The following ENTPD1 variants were observed in gnomAD, a reference collection of about 807,000 sequenced individuals.
ENTPD1 encodes ectonucleoside triphosphate diphosphohydrolase 1.
In ENTPD1, 33 loss-of-function variants were observed where a neutral mutation model predicts 57.0. The ratio of observed to expected loss-of-function variants is 0.58; its 90% CI spans 0.44 to 0.77. ENTPD1 has a LOEUF of 0.77. Ranked by LOEUF, ENTPD1 falls within the 30% of genes least tolerant of loss-of-function variation. The pLI is 0.00. For missense variants in ENTPD1, 501 were observed against 603.4 expected, an observed-to-expected ratio of 0.83 and a Z score of 1.78; for synonymous variants, 202 against 218.8, an observed-to-expected ratio of 0.92 and a Z score of 0.68.
chr10:95,757,882 G>A (rs1021867557), intron 1 of ENTPD1, among the ~76,000 whole-genome samples: 1 of 151,724 alleles, frequency 6.6e-6, no homozygotes, highest in African/African-American at 2.4e-5. Flanking sequence ...GTGTGCGCCT[G>A]TAGTCCCAGC....
At chr10:95,718,339 A>G (rs2097973875) in intron 1 of ENTPD1, among the ~76,000 whole-genome samples, 1 of 151,954 alleles carries the variant, frequency 6.6e-6, no homozygotes, top group Non-Finnish European at 1.5e-5. Flanking sequence ...GGATTACCCC[A>G]TACTAGGGGT....
intron 1 of ENTPD1, among the ~76,000 whole-genome samples, chr10:95,768,488 CTTTT>C (rs2098100467): frequency 1.4e-5 from 2 of 144,264 alleles, no homozygotes; most frequent in Admixed American, 1.5e-4. Context: ...TTCTTTCTTT[CTTTT>C]CTTTTTTCTT....
chr10:95,833,826 GC>G (rs1385533170), intron 2 of ENTPD1: 1 of 152,800 alleles, frequency 6.5e-6, no homozygotes, highest in Admixed American at 6.5e-5. Context: ...AGGGAGGAAT[GC>G]TGTTCCTCAC....
At chr10:95,772,640 T>C (rs1415224583) in intron 1 of ENTPD1, among the ~76,000 whole-genome samples, 2 of 152,188 alleles carry the variant, frequency 1.3e-5, no homozygotes, top group Non-Finnish European at 1.5e-5. Context: ...ACTGAAGTCT[T>C]GAGCCCCTCC....
chr10:95,815,449 T>C (rs1293526833), intron 1 of ENTPD1, among the ~76,000 whole-genome samples: 1 of 152,228 alleles, frequency 6.6e-6, no homozygotes, highest in African/African-American at 2.4e-5. Context: ...ATTGGTATCC[T>C]CAGTGAGAAC....
At chr10:95,753,979 G>C (rs2098016331), upstream of ENTPD1, 1 of 150,440 alleles carries the variant, frequency 6.6e-6, no homozygotes, top group Admixed American at 6.6e-5. Context: ...CTGGATGACA[G>C]AGTGAGGCTC....
At chr10:95,849,641 C>T (rs538551432) in intron 7 of ENTPD1, among the ~76,000 whole-genome samples, 2 of 152,350 alleles carry the variant, frequency 1.3e-5, no homozygotes, top group South Asian at 4.1e-4. Context: ...CCAGACTTAC[C>T]TTAACCATGG....
intron 1 of ENTPD1, among the ~76,000 whole-genome samples, chr10:95,717,438 C>T (rs907329400): frequency 1.3e-5 from 2 of 151,592 alleles, no homozygotes; most frequent in Non-Finnish European, 2.9e-5. Flanking sequence ...CCGCTCCCTG[C>T]TCAAATGCCT....
chr10:95,869,786 A>G lies in ENTPD1; in HGVS notation c.*3403A>G. On this transcript the variant is annotated 3_prime_UTR_variant, in exon 10 of 10. Transcript: ENST00000371205. The stretch of plus-strand genomic sequence containing the variant: ...AACACAGGAGAGTTTTCAGAAAGCA[A>G]CTAAATCCAAAATACTATCAAGGAA... 1.3e-6 allele frequency: 1 copy of G among 755,620 alleles called. No homozygotes were observed. The highest frequency in any genetic ancestry group is 6.1e-5 in the South Asian group (1 of 16,494). 46.8% of individuals were successfully genotyped at this position (755,620 alleles called of 1,614,324 possible). A position where few individuals can be genotyped will look rare whatever the true frequency, so the allele number is the denominator to read the frequency against.
intron 1 of ENTPD1, among the ~76,000 whole-genome samples, chr10:95,773,383 G>A (rs1195019167): frequency 6.6e-6 from 1 of 152,124 alleles, no homozygotes; most frequent in Non-Finnish European, 1.5e-5. Flanking sequence ...ATGACTAGGT[G>A]CATTGTCAAT....
chr10:95,710,476 T>C (rs1441499518), upstream of ENTPD1, among the ~76,000 whole-genome samples: 1 of 152,006 alleles, frequency 6.6e-6, no homozygotes, highest in Non-Finnish European at 1.5e-5. Flanking sequence ...TTTACAAGCA[T>C]TTATCTAAGT....
chr10:95,777,980 C>CA (rs753762343), intron 1 of ENTPD1, among the ~76,000 whole-genome samples: 41 of 152,186 alleles, frequency 2.7e-4, no homozygotes, highest in Non-Finnish European at 5.4e-4. Context: ...CCTGGTGTGC[C>CA]ATTTGCTGAA....
At chr10:95,752,402 C>G (rs548533747), upstream of ENTPD1, among the ~76,000 whole-genome samples, 1 of 152,226 alleles carries the variant, frequency 6.6e-6, no homozygotes, top group Admixed American at 6.5e-5. Flanking sequence ...CGCCTGTAAT[C>G]CCAGCACTTT....
chr10:95,755,958 C>T, upstream of ENTPD1: 5 of 1,466,376 alleles, frequency 3.4e-6, no homozygotes, highest in Non-Finnish European at 4.5e-6. Context: ...ATATACATTG[C>T]TTCAAGGATG....
At chr10:95,860,105 T>C (rs2098462825) in intron 7 of ENTPD1, among the ~76,000 whole-genome samples, 1 of 152,212 alleles carries the variant, frequency 6.6e-6, no homozygotes, top group Non-Finnish European at 1.5e-5. Flanking sequence ...TAGTGTTGTA[T>C]AGAATTTTCC....
At chr10:95,809,725 C>T (rs527647217) in intron 1 of ENTPD1, among the ~76,000 whole-genome samples, 19 of 137,394 alleles carry the variant, frequency 1.4e-4, no homozygotes, top group South Asian at 9.5e-4. Context: ...GGGTGGCCGC[C>T]GGGCAGAGGC....
intron 7 of ENTPD1, among the ~76,000 whole-genome samples, chr10:95,853,960 G>T (rs1310417184): frequency 6.6e-6 from 1 of 152,176 alleles, no homozygotes. Context: ...ATGAGTTAGG[G>T]CAGATTCCCT....
At chr10:95,717,132 G>C (rs1422204001) in intron 1 of ENTPD1, among the ~76,000 whole-genome samples, 1 of 152,214 alleles carries the variant, frequency 6.6e-6, no homozygotes, top group Non-Finnish European at 1.5e-5. Context: ...GAGTAATAAA[G>C]TCTTTTGTTT....
At chr10:95,715,414 A>C (rs1423556631) in intron 1 of ENTPD1, among the ~76,000 whole-genome samples, 2 of 152,018 alleles carry the variant, frequency 1.3e-5, no homozygotes, top group African/African-American at 4.8e-5. Context: ...TGTGCATGCT[A>C]TTCAACCTAC....
Sources: gnomAD v4.1 joint callset for allele counts (sites outside exome capture counted in the v4.1 genomes callset) on GRCh38, gnomAD v4.1.1 for gene constraint, MANE v1.5 for transcripts, NCBI Gene and HGNC (gene_info 2026-07-23, HGNC 2026-07-21) for gene names.